Variants in ALG13 observed in about 807,000 individuals in gnomAD.
The protein encoded by ALG13 is ALG13 UDP-N-acetylglucosaminyltransferase subunit, also known as UDP-N-acetylglucosamine transferase subunit ALG13.
A neutral mutation model predicts 87.8 loss-of-function variants in ALG13; 11 were observed. The ratio of observed to expected loss-of-function variants is 0.13; its 90% CI spans 0.08 to 0.21. The LOEUF (loss-of-function observed/expected upper bound fraction) is 0.21, where lower values mean the gene tolerates loss of function less well. ALG13 is among the 10% of genes least tolerant of loss of function. The pLI is 1.00. For missense variants in ALG13, 756 were observed against 866.1 expected, an observed-to-expected ratio of 0.87 and a Z score of 1.60; for synonymous variants, 320 against 306.3, an observed-to-expected ratio of 1.04 and a Z score of -0.47.
chrX:111,712,581 T>C, intron 7 of ALG13, 51 bp downstream of exon 7: 2 of 761,246 alleles, frequency 2.6e-6, no homozygotes, highest in Non-Finnish European at 3.8e-6. Flanking sequence ...TGCATGTGTG[T>C]ATAAGATCTC....
intron 3 of ALG13, among the ~76,000 whole-genome samples, chrX:111,691,228 G>A (rs1386447659): frequency 9.0e-6 from 1 of 110,651 alleles, no homozygotes; most frequent in Non-Finnish European, 1.9e-5. Context: ...TGCCTCCCGA[G>A]TAGTTGGGAT....
intron 1 of ALG13, 90 bp downstream of exon 1, chrX:111,681,389 C>G: frequency 1.7e-6 from 2 of 1,184,764 alleles, no homozygotes; most frequent in Non-Finnish European, 2.3e-6. Flanking sequence ...GCCTGACCGT[C>G]GCGCTCGGAA....
At chrX:111,683,882 G>A (rs745446092) in intron 2 of ALG13, among the ~76,000 whole-genome samples, 1 of 111,672 alleles carries the variant, frequency 9.0e-6, no homozygotes, top group South Asian at 3.7e-4. Context: ...ATGCCTGTCT[G>A]TCTCTATTGT....
intron 24 of ALG13, among the ~76,000 whole-genome samples, chrX:111,745,365 G>A (rs962229892): frequency 1.8e-5 from 2 of 111,083 alleles, no homozygotes; most frequent in Non-Finnish European, 3.8e-5. Flanking sequence ...TATCTGCCTT[G>A]AATTTCAGCT....
intron 24 of ALG13, among the ~76,000 whole-genome samples, chrX:111,750,760 C>G (rs919363296): frequency 5.4e-5 from 6 of 110,108 alleles, no homozygotes; most frequent in African/African-American, 2.0e-4. Flanking sequence ...CTCTGCCTCC[C>G]GAGCTCAAGC....
At chrX:111,756,844 A>T (rs935392885) in intron 25 of ALG13, among the ~76,000 whole-genome samples, 6 of 111,405 alleles carry the variant, frequency 5.4e-5, no homozygotes, top group Non-Finnish European at 7.5e-5. Context: ...CTTTGAGACT[A>T]TTTTTCCTAA....
rs1939120027 is a variant in ALG13, at chrX:111,708,193, C to T, written c.550C>T (p.Leu184=). ...TACTGCTACCCATCCTACCTGCACCCTGCTTTTTCCCTCTTGCCACGCTTT... is the reference window on the plus strand; with the variant it reads ...TACTGCTACCCATCCTACCTGCACCTTGCTTTTTCCCTCTTGCCACGCTTT... ...LVTATHPTCT[L]LFPSCHAFFP... is the part of the protein sequence containing the mutation. Residue 184 remains leucine (L), a synonymous_variant, in exon 4 of 27, where the codon CTG becomes TTG. Transcript: ENST00000394780. 8.3e-7 allele frequency: 1 copy of T among 1,209,909 alleles called. No individual in the cohort carries two copies. Among genetic ancestry groups the T allele is most frequent in the Non-Finnish European group, 1.1e-6 (1 of 895,135 alleles).
chrX:111,727,767 A>T lies in ALG13; in HGVS notation c.2244A>T (p.Leu748Phe). Residue 748 changes from leucine to phenylalanine, a missense_variant, in exon 18 of 27, where the codon TTA becomes TTT. Physicochemically the swap from Leu to Phe is conservative, Grantham distance 22. Coordinates refer to ENST00000394780, the MANE Select transcript of ALG13 (RefSeq NM_001099922.3). ...EEGDETAYPTLPNHGGPSTMV... is the reference protein window; with the variant it reads ...EEGDETAYPTFPNHGGPSTMV... Reference sequence around the variant, plus strand: ...GGGATGAGACTGCTTATCCAACTTTACCTGTGAGTGGATCAATGCTTTACT... The same window carrying T: ...GGGATGAGACTGCTTATCCAACTTTTCCTGTGAGTGGATCAATGCTTTACT... 1 of 1,198,650 alleles carries T rather than the reference A, an allele frequency of 8.3e-7. No homozygotes were observed. Among genetic ancestry groups the T allele is most frequent in the Non-Finnish European group, 1.1e-6 (1 of 890,090 alleles).
At chrX:111,700,394 A>G (rs1482930126) in intron 3 of ALG13, among the ~76,000 whole-genome samples, 1 of 110,159 alleles carries the variant, frequency 9.1e-6, no homozygotes, top group Non-Finnish European at 1.9e-5. Context: ...TCTGGCTACG[A>G]TTTGTATGTT....
intron 8 of ALG13, among the ~76,000 whole-genome samples, chrX:111,715,912 G>A (rs1342892808): frequency 9.0e-6 from 1 of 111,311 alleles, no homozygotes; most frequent in African/African-American, 3.3e-5. Context: ...AGCTGAAATC[G>A]AGCCATCTTC....
chrX:111,740,396 G>A (rs1190855868), intron 23 of ALG13, among the ~76,000 whole-genome samples: 2 of 111,263 alleles, frequency 1.8e-5, no homozygotes, highest in Non-Finnish European at 3.8e-5. Context: ...TCTTGAACTT[G>A]AATTAGAAGT....
chrX:111,751,671 G>A (rs1209824439), intron 24 of ALG13, among the ~76,000 whole-genome samples: 2 of 111,246 alleles, frequency 1.8e-5, no homozygotes, highest in Non-Finnish European at 3.8e-5. Context: ...TGTAGCTTGA[G>A]CATTAGGCTT....
At chrX:111,685,227 G>C in intron 3 of ALG13, 124 bp downstream of exon 3, 1 of 763,743 alleles carries the variant, frequency 1.3e-6, no homozygotes, top group African/African-American at 2.1e-5. Context: ...CAAACCTTTT[G>C]ATTTTCTCAG....
intron 3 of ALG13, among the ~76,000 whole-genome samples, chrX:111,697,251 C>A (rs1455782043): frequency 9.0e-6 from 1 of 111,560 alleles, no homozygotes; most frequent in Non-Finnish European, 1.9e-5. Context: ...TTACTATAAG[C>A]ATTCCTTAGG....
At chrX:111,723,157 T>A (rs1482964239) in intron 13 of ALG13, among the ~76,000 whole-genome samples, 2 of 107,455 alleles carry the variant, frequency 1.9e-5, no homozygotes, top group African/African-American at 6.7e-5. Flanking sequence ...TTATTTATTT[T>A]TATTTTTTTT....
intron 3 of ALG13, among the ~76,000 whole-genome samples, chrX:111,693,894 A>G (rs1450819356): frequency 9.0e-6 from 1 of 111,069 alleles, no homozygotes; most frequent in Non-Finnish European, 1.9e-5. Flanking sequence ...AAGAATCCCT[A>G]GGCTGAGGCG....
intron 3 of ALG13, chrX:111,688,302 T>C: frequency 1.4e-6 from 1 of 736,754 alleles, no homozygotes; most frequent in Non-Finnish European, 1.6e-6. Context: ...TTGAAAACTT[T>C]CACAAAGATT....
chrX:111,698,077 G>GTA (rs1161403257), intron 3 of ALG13, among the ~76,000 whole-genome samples: 1 of 112,154 alleles, frequency 8.9e-6, no homozygotes, highest in Admixed American at 9.5e-5. Context: ...AACAGCAGTT[G>GTA]TATGTCCTAT....
At position 111,717,846 on chromosome X, in the gene ALG13, A is replaced by G. The variant is rs1481572636; in HGVS notation, c.1006A>G (p.Ile336Val). 1.7e-6 allele frequency: 2 copies of G among 1,183,158 alleles called. No individual in the cohort carries two copies. The highest frequency in any genetic ancestry group is 2.3e-5 in the Admixed American group (1 of 44,006). ...YVTDNGYEDKILLCYSSSGHY... is the reference protein window; with the variant it reads ...YVTDNGYEDKVLLCYSSSGHY... ...AATTGTTCTGTGTGTTTTTCTTTAG[A>G]TTCTACTCTGCTACTCAAGTAGTGG... Residue 336 changes from isoleucine to valine, a missense_variant and splice_region_variant, in exon 9 of 27, where the codon ATT (isoleucine) becomes GTT (valine). Ile to Val is a conservative substitution (Grantham distance 29). Around this residue, in one of 9 missense-constraint regions of ALG13, gnomAD observed 60 missense variants for 54.5 expected, o/e 1.10. Transcript: ENST00000394780.
Sources: gnomAD v4.1 joint callset for allele counts (sites outside exome capture counted in the v4.1 genomes callset) on GRCh38, gnomAD v4.1.1 for gene constraint, gnomAD v4.1.1 regional missense constraint, MANE v1.5 for transcripts, NCBI Gene and HGNC (gene_info 2026-07-23, HGNC 2026-07-21) for gene names.